SMIM14: variants seen among roughly 807,000 people sequenced by gnomAD.
SMIM14 encodes small integral membrane protein 14, also known as chromosome 4 open reading frame 34.
SMIM14 carries 5 observed loss-of-function variants against 12.6 expected under a neutral mutation model. That is an observed-to-expected ratio of 0.40 (90% CI 0.21 to 0.83). The LOEUF is 0.83. Ranked by LOEUF, SMIM14 falls within the 40% of genes least tolerant of loss-of-function variation. The pLI is 0.37. For synonymous variants in SMIM14, 30 were observed against 40.1 expected (o/e 0.75, Z 0.95); for missense variants, 86 against 119.1 (o/e 0.72, Z 1.29).
chr4:39,605,960 A>G (rs1005848431), intron 1 of SMIM14, among the ~76,000 whole-genome samples: 3 of 151,440 alleles, frequency 2.0e-5, no homozygotes, highest in Admixed American at 1.3e-4. Flanking sequence ...CTGGTCTTGA[A>G]CTCCTGACCT....
At chr4:39,604,485 C>T (rs990790265) in intron 2 of SMIM14, among the ~76,000 whole-genome samples, 2 of 151,646 alleles carry the variant, frequency 1.3e-5, no homozygotes, top group Admixed American at 1.3e-4. Context: ...TGTAGTGAGC[C>T]GAGATAGCAC....
intron 1 of SMIM14, among the ~76,000 whole-genome samples, chr4:39,607,054 C>T (rs1202828313): frequency 6.6e-6 from 1 of 152,102 alleles, no homozygotes; most frequent in Non-Finnish European, 1.5e-5. Flanking sequence ...GTAGTCCCAG[C>T]CACTTGGGTG....
chr4:39,553,700 TCTC>T (rs1385304084), intron 4 of SMIM14, among the ~76,000 whole-genome samples: 1 of 150,760 alleles, frequency 6.6e-6, no homozygotes, highest in Non-Finnish European at 1.5e-5. Context: ...TTCAAGCAAT[TCTC>T]CTGCCTCAGC....
chr4:39,589,755 C>G (rs1231585402), intron 2 of SMIM14: 1 of 152,058 alleles, frequency 6.6e-6, no homozygotes, highest in South Asian at 2.1e-4. Flanking sequence ...AAAAGGAACA[C>G]TAGGCGGCCG....
chr4:39,564,449 T>C (rs1178104355), intron 3 of SMIM14, among the ~76,000 whole-genome samples: 1 of 152,170 alleles, frequency 6.6e-6, no homozygotes, highest in Non-Finnish European at 1.5e-5. Context: ...GAAATGCTTA[T>C]CGGAACATTT....
intron 2 of SMIM14, among the ~76,000 whole-genome samples, chr4:39,575,749 ATTTTT>A (rs35325470): frequency 1.9e-4 from 25 of 132,212 alleles, no homozygotes; most frequent in African/African-American, 6.4e-4. Flanking sequence ...ATGCCCAGCT[ATTTTT>A]TTTTTTTTTT....
intron 1 of SMIM14, among the ~76,000 whole-genome samples, chr4:39,611,172 T>C (rs1472628459): frequency 6.6e-6 from 1 of 152,150 alleles, no homozygotes; most frequent in Non-Finnish European, 1.5e-5. Flanking sequence ...AATGGAAGTG[T>C]AAATCAAAAC....
intron 3 of SMIM14, among the ~76,000 whole-genome samples, chr4:39,566,757 A>G (rs1712593583): frequency 6.6e-6 from 1 of 152,084 alleles, no homozygotes; most frequent in Admixed American, 6.5e-5. Flanking sequence ...TCATGAGGTC[A>G]AGAGATCGAG....
At chr4:39,632,478 CAAAAAAAAA>C (rs71192888) in intron 1 of SMIM14, among the ~76,000 whole-genome samples, 1 of 88,758 alleles carries the variant, frequency 1.1e-5, no homozygotes, top group African/African-American at 4.6e-5. Context: ...GACTCCGTCT[CAAAAAAAAA>C]AAAAAAAAAA....
chr4:39,599,818 A>G (rs528871728), intron 2 of SMIM14, among the ~76,000 whole-genome samples: 48 of 152,016 alleles, frequency 3.2e-4, no homozygotes, highest in African/African-American at 1.1e-3. Context: ...GCTACTTGGG[A>G]GGCTGAGGCA....
At chr4:39,559,804 AC>A (rs1220163272) in intron 3 of SMIM14, among the ~76,000 whole-genome samples, 1 of 151,964 alleles carries the variant, frequency 6.6e-6, no homozygotes, top group Non-Finnish European at 1.5e-5. Flanking sequence ...TCTGTTCCAA[AC>A]CCAGTCACTT....
intron 2 of SMIM14, among the ~76,000 whole-genome samples, chr4:39,586,932 C>T (rs889153634): frequency 2.6e-5 from 4 of 151,954 alleles, no homozygotes; most frequent in African/African-American, 9.7e-5. Flanking sequence ...GGTCTTCTTC[C>T]TCCATCCTCA....
intron 1 of SMIM14, among the ~76,000 whole-genome samples, chr4:39,626,711 C>G (rs1362919860): frequency 6.6e-6 from 1 of 152,190 alleles, no homozygotes; most frequent in Non-Finnish European, 1.5e-5. Flanking sequence ...TTTGTGATCA[C>G]TACTTTGGAG....
chr4:39,629,379 G>GATAT (rs1715823316), intron 1 of SMIM14, among the ~76,000 whole-genome samples: 1 of 54,736 alleles, frequency 1.8e-5, no homozygotes, highest in Admixed American at 2.3e-4. Context: ...AAAAAAAAAA[G>GATAT]ATACATATAT....
chr4:39,602,358 G>C (rs1030509593), intron 2 of SMIM14, among the ~76,000 whole-genome samples: 12 of 152,088 alleles, frequency 7.9e-5, no homozygotes, highest in African/African-American at 2.9e-4. Flanking sequence ...ACTTTGGGAG[G>C]CCGAGGCAGG....
intron 3 of SMIM14, among the ~76,000 whole-genome samples, chr4:39,568,334 G>A (rs182027432): frequency 6.6e-6 from 1 of 151,722 alleles, no homozygotes; most frequent in East Asian, 1.9e-4. Flanking sequence ...TTACTCTTTG[G>A]TCTGTGTTTT....
At position 39,609,223 on chromosome 4, in the gene SMIM14, G is replaced by A. The variant is rs925361610; in HGVS notation, c.-35-4043C>T. On this transcript the variant is annotated intron_variant, in intron 1 of 4. Coordinates refer to ENST00000295958, the MANE Select transcript of SMIM14 (RefSeq NM_174921.3). The stretch of plus-strand genomic sequence containing the variant: ...TCTCGAACTCCTGACCTAGCGATCC[G>A]CCCGCCTTGGCCTCCCAAAGTGCTG... 9.2e-5 allele frequency among the ~76,000 whole-genome samples: 14 copies of A among 152,072 alleles called. No homozygotes were observed. The East Asian group carries it at 1.7e-3, about 19-fold the overall frequency.
intron 1 of SMIM14, among the ~76,000 whole-genome samples, chr4:39,630,997 C>T (rs1715875985): frequency 6.6e-6 from 1 of 152,112 alleles, no homozygotes; most frequent in East Asian, 1.9e-4. Flanking sequence ...TTCTACATTA[C>T]CTTTCCCAAG....
At chr4:39,593,756 T>C (rs2110042647) in intron 2 of SMIM14, 1 of 151,930 alleles carries the variant, frequency 6.6e-6, no homozygotes, top group Admixed American at 6.6e-5. Context: ...TATACACCAA[T>C]AACAGACAAA....
Sources: gnomAD v4.1 joint callset for allele counts (sites outside exome capture counted in the v4.1 genomes callset) on GRCh38, gnomAD v4.1.1 for gene constraint, MANE v1.5 for transcripts, NCBI Gene and HGNC (gene_info 2026-07-23, HGNC 2026-07-21) for gene names.